The following TPD52L1 variants were observed in gnomAD, a reference collection of about 807,000 sequenced individuals.
TPD52L1 encodes the protein TPD52 like 1.
A neutral mutation model predicts 28.7 loss-of-function variants in TPD52L1; 18 were observed. That is an observed-to-expected ratio of 0.63 (90% CI 0.43 to 0.93). TPD52L1 has a LOEUF of 0.93. Ranked by LOEUF, TPD52L1 falls within the 40% of genes least tolerant of loss-of-function variation. The pLI, the probability that TPD52L1 is intolerant of heterozygous loss-of-function variation, is 0.00. For synonymous variants in TPD52L1, 75 were observed against 88.8 expected, an observed-to-expected ratio of 0.84 and a Z score of 0.88; for missense variants, 203 against 254.8, an observed-to-expected ratio of 0.80 and a Z score of 1.39.
Position 125,248,266 on chromosome 6 carries a change from T to C in TPD52L1, c.285-16T>C. 1 of 1,602,382 alleles carries C rather than the reference T, an allele frequency of 6.2e-7. No individual in the cohort carries two copies. Among genetic ancestry groups the C allele is most frequent in the South Asian group, 1.1e-5 (1 of 90,632 alleles). On this transcript the variant is annotated splice_polypyrimidine_tract_variant and intron_variant, in intron 3 of 6. Coordinates refer to ENST00000534000, the MANE Select transcript of TPD52L1 (RefSeq NM_003287.4). ...GATCATGATATAAAAACCATGTTGT[T>C]CTGTTTTATTTCTAGCTACAAGAAA...
intron 1 of TPD52L1, among the ~76,000 whole-genome samples, chr6:125,173,297 C>G (rs148786194): frequency 6.6e-6 from 1 of 152,178 alleles, no homozygotes; most frequent in Non-Finnish European, 1.5e-5. Context: ...AAGAACTTTC[C>G]GCTTTGAGTC....
Position 125,263,091 on chromosome 6 carries a change from G to T in TPD52L1, c.*129G>T. On this transcript the variant is annotated 3_prime_UTR_variant, in exon 7 of 7. Transcript: ENST00000534000. Reference sequence around the variant, plus strand: ...AGGCCTTGACATTGTTATTCAAATGGCCCCTCCAGAAAGTTTAATGATTTC... The same window carrying T: ...AGGCCTTGACATTGTTATTCAAATGTCCCCTCCAGAAAGTTTAATGATTTC... 1 of 1,144,576 alleles carries T rather than the reference G, an allele frequency of 8.7e-7. No homozygotes were observed. Among genetic ancestry groups the T allele is most frequent in the South Asian group, 1.7e-5 (1 of 59,428 alleles). 70.9% of individuals were successfully genotyped at this position (1,144,576 alleles called of 1,614,324 possible).
In TPD52L1 at chr6:125,153,806, A is replaced by G. The variant is rs1240811423; in HGVS notation, c.-146A>G. ...CTAGTGGCGGCTGCCTGCGTCCCCA[A>G]CCCCCTCCGCGCAGCGCTCGCGACA... On this transcript the variant is annotated 5_prime_UTR_variant, in exon 1 of 7. Transcript: ENST00000534000. 5.5e-6 allele frequency: 5 copies of G among 914,738 alleles called. No individual in the cohort carries two copies. The Admixed American group carries it at 9.5e-5, about 17-fold the overall frequency. The allele number at this position is 914,738 out of a possible 1,614,324, so 56.7% of individuals were successfully genotyped here.
chr6:125,180,632 T>C (rs1792130321), intron 1 of TPD52L1, among the ~76,000 whole-genome samples: 1 of 151,904 alleles, frequency 6.6e-6, no homozygotes, highest in Non-Finnish European at 1.5e-5. Flanking sequence ...ATTTAGCCTT[T>C]TCTTGATAGA....
intron 1 of TPD52L1, among the ~76,000 whole-genome samples, chr6:125,168,502 C>T (rs79017606): frequency 0.015 from 2,266 of 151,924 alleles, 56 homozygotes; most frequent in African/African-American, 0.052. Flanking sequence ...GTAGAACTTG[C>T]TTCTGTCCTT....
intron 1 of TPD52L1, among the ~76,000 whole-genome samples, chr6:125,179,795 C>T (rs577233753): frequency 6.6e-6 from 1 of 152,274 alleles, no homozygotes; most frequent in African/African-American, 2.4e-5. Flanking sequence ...TACCAGGGTT[C>T]TCTTTATAGA....
chr6:125,234,041 T>C (rs554410371), intron 3 of TPD52L1, among the ~76,000 whole-genome samples: 1 of 152,308 alleles, frequency 6.6e-6, no homozygotes, highest in Non-Finnish European at 1.5e-5. Context: ...CACTTTCCTG[T>C]TGACTTTCAT....
At chr6:125,165,529 A>T (rs1790839305) in intron 1 of TPD52L1, among the ~76,000 whole-genome samples, 2 of 152,296 alleles carry the variant, frequency 1.3e-5, no homozygotes, top group Admixed American at 1.3e-4. Context: ...CTTTCTCAAA[A>T]GGCAAAAATC....
At chr6:125,222,551 C>G (rs1271587535) in intron 2 of TPD52L1, among the ~76,000 whole-genome samples, 1 of 152,208 alleles carries the variant, frequency 6.6e-6, no homozygotes, top group Non-Finnish European at 1.5e-5. Flanking sequence ...CCAGCCTCCT[C>G]TTTGTTTCCT....
chr6:125,154,291 T>C (rs995272956), intron 1 of TPD52L1: 19 of 1,170,794 alleles, frequency 1.6e-5, no homozygotes, highest in African/African-American at 3.2e-5. Context: ...GAAGGACCTG[T>C]TGTGCCGGGT....
chr6:125,172,561 A>ATATAATATAT (rs1562215221), intron 1 of TPD52L1, among the ~76,000 whole-genome samples: 1 of 90,494 alleles, frequency 1.1e-5, no homozygotes, highest in Non-Finnish European at 2.0e-5. Context: ...TAATATATAT[A>ATATAATATAT]CTATATGGCA....
At chr6:125,207,481 C>G (rs2114919785) in intron 1 of TPD52L1, among the ~76,000 whole-genome samples, 1 of 152,322 alleles carries the variant, frequency 6.6e-6, no homozygotes, top group Non-Finnish European at 1.5e-5. Context: ...AGCAGAGACA[C>G]TGATGGTCTT....
intron 1 of TPD52L1, among the ~76,000 whole-genome samples, chr6:125,166,125 A>G (rs1289347452): frequency 6.6e-6 from 1 of 152,164 alleles, no homozygotes; most frequent in Non-Finnish European, 1.5e-5. Context: ...TCTCCCAAGC[A>G]TATTCACGGA....
chr6:125,199,332 G>C (rs1793645588), intron 1 of TPD52L1, among the ~76,000 whole-genome samples: 1 of 152,244 alleles, frequency 6.6e-6, no homozygotes, highest in East Asian at 1.9e-4. Flanking sequence ...TATCATGTAG[G>C]ATCAAGAAAA....
chr6:125,171,525 C>T (rs1054661940), intron 1 of TPD52L1, among the ~76,000 whole-genome samples: 7 of 152,052 alleles, frequency 4.6e-5, no homozygotes, highest in South Asian at 4.1e-4. Context: ...CCTTGTGGGT[C>T]GATGAAGTAA....
In TPD52L1 at chr6:125,199,388, A is replaced by G. The variant is rs892416371; in HGVS notation, c.20-20690A>G. Reference sequence around the variant, plus strand: ...GTACAGAGATAATTATTTTCAGTCAAATGAAAGTAAAAGAGGCCAGGCGCA... The same window carrying G: ...GTACAGAGATAATTATTTTCAGTCAGATGAAAGTAAAAGAGGCCAGGCGCA... On this transcript the variant is annotated intron_variant, in intron 1 of 6. Coordinates refer to ENST00000534000, the MANE Select transcript of TPD52L1 (RefSeq NM_003287.4). 2.0e-5 allele frequency among the ~76,000 whole-genome samples: 3 copies of G among 152,216 alleles called. No homozygotes were observed. The East Asian group carries it at 5.8e-4, about 29-fold the overall frequency.
At chr6:125,218,388 A>C (rs931650024) in intron 1 of TPD52L1, among the ~76,000 whole-genome samples, 5 of 152,156 alleles carry the variant, frequency 3.3e-5, no homozygotes, top group Non-Finnish European at 7.3e-5. Flanking sequence ...GTTTATTAAC[A>C]TTTGTGATTT....
At chr6:125,249,025 G>A (rs1317955802) in intron 4 of TPD52L1, among the ~76,000 whole-genome samples, 3 of 151,598 alleles carry the variant, frequency 2.0e-5, no homozygotes, top group East Asian at 3.9e-4. Flanking sequence ...ATAAAATAAG[G>A]GTGACCATCA....
chr6:125,262,695 A>G (rs1562416748), intron 6 of TPD52L1, 139 bp from the exon 7 acceptor site: 1 of 1,199,252 alleles, frequency 8.3e-7, no homozygotes, highest in Non-Finnish European at 1.1e-6. Flanking sequence ...AAGGAAACAA[A>G]CTTCTGTGCA....
Sources: allele counts gnomAD v4.1 joint callset (sites outside exome capture counted in the v4.1 genomes callset), GRCh38; gene constraint gnomAD v4.1.1; transcripts MANE v1.5; gene names NCBI Gene and HGNC (gene_info 2026-07-23, HGNC 2026-07-21).